PTPRS: variants seen among roughly 807,000 people sequenced by gnomAD.
The protein encoded by PTPRS is protein tyrosine phosphatase receptor type S, also known as receptor-type tyrosine-protein phosphatase S.
PTPRS carries 63 observed loss-of-function variants against 215.3 expected under a neutral mutation model. The observed-to-expected ratio is 0.29, with a 90% CI of 0.24 to 0.36. PTPRS has a LOEUF of 0.36. Among genes scored for constraint, PTPRS ranks in the 10% least tolerant of loss-of-function variants. PTPRS has a pLI of 1.00. For missense variants in PTPRS, 2,258 were observed against 2,825.8 expected (o/e 0.80, Z 4.56); for synonymous variants, 1,404 against 1,191.4 (o/e 1.18, Z -3.68).
chr19:5,327,625 A>G (rs1051129060), intron 1 of PTPRS, among the ~76,000 whole-genome samples: 9 of 152,018 alleles, frequency 5.9e-5, no homozygotes, highest in African/African-American at 2.2e-4. Context: ...GTTTTTAGAG[A>G]CAGGGTCTCG....
At chr19:5,228,345 G>GAAAAAAAAAAAAAAAAAAAAAAAAAAA (rs1491502602) in intron 16 of PTPRS, among the ~76,000 whole-genome samples, 2 of 33,244 alleles carry the variant, frequency 6.0e-5, no homozygotes, top group African/African-American at 1.9e-4. Context: ...ACTCCGTCTG[G>GAAAAAAAAAAAAAAAAAAAAAAAAAAA]AGAAAAAAAA....
chr19:5,325,274 G>A (rs2147243286), intron 1 of PTPRS, among the ~76,000 whole-genome samples: 1 of 152,368 alleles, frequency 6.6e-6, no homozygotes, highest in East Asian at 1.9e-4. Context: ...CCATGGGTCA[G>A]CATTGAATCA....
In PTPRS at chr19:5,246,195, AAAACCATTT is replaced by A. The variant is rs1445797816; in HGVS notation, c.719-159_719-151del. 8.7e-6 allele frequency: 4 copies of A among 462,146 alleles called. No homozygotes were observed. In the East Asian group the frequency reaches 1.4e-4, roughly 16 times the overall value. The allele number at this position is 462,146 out of a possible 1,614,324, so 28.6% of individuals were successfully genotyped here. A position where few individuals can be genotyped will look rare whatever the true frequency, so the allele number is the denominator to read the frequency against. On this transcript the variant is annotated intron_variant, in intron 9 of 37. Coordinates refer to ENST00000262963, the MANE Select transcript of PTPRS (RefSeq NM_002850.4). ...AGAAAGAAAAAAAGAAAAAAAAAGG[AAAACCATTT>A]AAATATAAACAGGGCTGGTTCTTTT...
chr19:5,246,173 A>C, intron 9 of PTPRS, 128 bp from the exon 10 acceptor site: 1 of 492,450 alleles, frequency 2.0e-6, no homozygotes, highest in Non-Finnish European at 3.2e-6. Flanking sequence ...GAAGGAAAGA[A>C]AGAAAAAAAG....
rs1487366004 is a variant in PTPRS at position 5,237,939 on chromosome 19, C to T, written c.1849+980G>A. The stretch of plus-strand genomic sequence containing the variant: ...CCGGCTGGAGTTGATGTTAACCCTT[C>T]GACTGATCCGAGATGCCCCTGTGTA... On this transcript the variant is annotated intron_variant, in intron 13 of 37. Coordinates refer to ENST00000262963, the MANE Select transcript of PTPRS (RefSeq NM_002850.4). The surrounding 1 kb of genome is among the most constrained non-coding windows in gnomAD (Gnocchi z 4.2). 1.3e-5 allele frequency among the ~76,000 whole-genome samples: 2 copies of T among 151,726 alleles called. No individual in the cohort carries two copies. The highest frequency in any genetic ancestry group is 4.8e-5 in the African/African-American group (2 of 41,406).
intron 1 of PTPRS, among the ~76,000 whole-genome samples, chr19:5,307,221 T>A (rs185265536): frequency 6.6e-6 from 1 of 152,300 alleles, no homozygotes; most frequent in Non-Finnish European, 1.5e-5. Context: ...GGCAGGAGAA[T>A]TGCTTGAACT....
chr19:5,220,794 A>G (rs1451880442), intron 20 of PTPRS, among the ~76,000 whole-genome samples: 1 of 152,168 alleles, frequency 6.6e-6, no homozygotes, highest in East Asian at 1.9e-4. Flanking sequence ...GTATCAGGAA[A>G]TGCTAGAAGA....
rs931939668 is a variant in PTPRS at position 5,340,669 on chromosome 19, G to C, written c.-100C>G. 1 of 149,068 alleles carries C rather than the reference G, an allele frequency of 6.7e-6. No homozygotes were observed. Among genetic ancestry groups the C allele is most frequent in the Non-Finnish European group, 1.5e-5 (1 of 67,492 alleles). 9.2% of individuals were successfully genotyped at this position (149,068 alleles called of 1,614,324 possible). A position where few individuals can be genotyped will look rare whatever the true frequency, so the allele number is the denominator to read the frequency against. On this transcript the variant is annotated 5_prime_UTR_variant, in exon 1 of 38. Coordinates refer to ENST00000262963, the MANE Select transcript of PTPRS (RefSeq NM_002850.4). ...ATTTTTTTTTTTGGCTTTACCTGGA[G>C]GCTGGCTGGGCTGGGCTCCCCCGGC...
At chr19:5,288,946 G>A (rs1338693267) in intron 1 of PTPRS, among the ~76,000 whole-genome samples, 1 of 152,208 alleles carries the variant, frequency 6.6e-6, no homozygotes, top group Non-Finnish European at 1.5e-5. Flanking sequence ...GGCAGGGCCT[G>A]GCCATGGACT....
At chr19:5,241,917 C>T (rs186116356) in intron 11 of PTPRS, among the ~76,000 whole-genome samples, 32 of 152,118 alleles carry the variant, frequency 2.1e-4, no homozygotes, top group Admixed American at 8.5e-4. Context: ...CTCACCACAA[C>T]CTCCGCTTCC....
At chr19:5,220,518 G>C (rs1387760031) in intron 20 of PTPRS, among the ~76,000 whole-genome samples, 165 bp from the exon 21 acceptor site, 1 of 152,234 alleles carries the variant, frequency 6.6e-6, no homozygotes, top group Non-Finnish European at 1.5e-5. Context: ...TGCTGACTCA[G>C]GCCTCCAGGC....
At position 5,231,385 on chromosome 19, in the gene PTPRS, T is replaced by C; in HGVS notation, c.2080A>G (p.Ile694Val). 1 of 1,612,978 alleles carries C rather than the reference T, an allele frequency of 6.2e-7. No individual in the cohort carries two copies. The highest frequency in any genetic ancestry group is 8.5e-7 in the Non-Finnish European group (1 of 1,179,886). The change falls in exon 14 of 38, where the codon ATC becomes GTC. Residue 694 changes from isoleucine (I) to valine (V), a missense_variant. Ile to Val is a conservative substitution (Grantham distance 29). Coordinates refer to ENST00000262963, the MANE Select transcript of PTPRS (RefSeq NM_002850.4). Reference sequence around the variant, plus strand: ...ACCTCTGTGTGAGCGACAGTCGTGATGCGGTACTGGGTCCACTTCTCCAAG... The same window carrying C: ...ACCTCTGTGTGAGCGACAGTCGTGACGCGGTACTGGGTCCACTTCTCCAAG... The part of the protein sequence containing the change: ...EALEKWTQYR[I>V]TTVAHTEVGP...
chr19:5,212,497 G>T lies in PTPRS; in HGVS notation c.4615-6C>A. 1 of 1,582,124 alleles carries T rather than the reference G, an allele frequency of 6.3e-7. No individual in the cohort carries two copies. The highest frequency in any genetic ancestry group is 8.6e-7 in the Non-Finnish European group (1 of 1,162,696). On this transcript the variant is annotated splice_region_variant and splice_polypyrimidine_tract_variant and intron_variant, in intron 30 of 37. Coordinates refer to ENST00000262963, the MANE Select transcript of PTPRS (RefSeq NM_002850.4). Reference sequence around the variant, plus strand: ...CGTTTCTCACTGGAGCCATTCTGGGGACCACAAGGATGTCACCTGTCACTC... The same window carrying T: ...CGTTTCTCACTGGAGCCATTCTGGGTACCACAAGGATGTCACCTGTCACTC...
intron 1 of PTPRS, among the ~76,000 whole-genome samples, chr19:5,302,064 G>A (rs1600075451): frequency 6.6e-6 from 1 of 150,832 alleles, no homozygotes; most frequent in South Asian, 2.1e-4. Flanking sequence ...TTACAGGTGT[G>A]AGCCACCACA....
At chr19:5,324,896 GC>G in intron 1 of PTPRS, among the ~76,000 whole-genome samples, 1 of 152,188 alleles carries the variant, frequency 6.6e-6, no homozygotes, top group Non-Finnish European at 1.5e-5. Context: ...GAGCACAGGG[GC>G]AAGAAGAGCC....
At chr19:5,275,073 C>CTT (rs5826878) in intron 2 of PTPRS, among the ~76,000 whole-genome samples, 1 of 144,652 alleles carries the variant, frequency 6.9e-6, no homozygotes, top group Non-Finnish European at 1.5e-5. Context: ...ATTTTCTTTT[C>CTT]TTTTTTTTTT....
chr19:5,214,241 T>G lies in PTPRS; in HGVS notation c.4614+120A>C, dbSNP rs1294039673. On this transcript the variant is annotated intron_variant, in intron 30 of 37. Coordinates refer to ENST00000262963, the MANE Select transcript of PTPRS (RefSeq NM_002850.4). ...TCCATGAGAATGTAGTCAGCCTGGG[T>G]AGACACGCTCCGCTTTCTCTCTGTC... is the stretch of plus-strand genomic sequence containing the variant. 6 of 1,398,628 alleles carry G rather than the reference T, an allele frequency of 4.3e-6. No homozygotes were observed. In the African/African-American group the frequency reaches 8.6e-5, roughly 20 times the overall value. 86.6% of individuals were successfully genotyped at this position (1,398,628 alleles called of 1,614,324 possible). A position where few individuals can be genotyped will look rare whatever the true frequency, so the allele number is the denominator to read the frequency against.
Position 5,222,842 on chromosome 19 carries a change from G to C in PTPRS, c.2950C>G (p.Pro984Ala). 6.3e-7 allele frequency: 1 copy of C among 1,593,896 alleles called. No individual in the cohort carries two copies. The highest frequency in any genetic ancestry group is 8.5e-7 in the Non-Finnish European group (1 of 1,176,456). ...TCCGCGCCCGGCTCAGCCGCTGCCG[G>C]CAGCTCAGTCTCTCGGGCAGGGCCC... ...ALGPARETEL[P>A]AAAEPGAENA... The change falls in exon 18 of 38, where the codon CCG becomes GCG. Residue 984 changes from proline to alanine, a missense_variant. Pro to Ala is a conservative substitution (Grantham distance 27). Transcript: ENST00000262963.
intron 1 of PTPRS, among the ~76,000 whole-genome samples, chr19:5,305,751 A>ATG (rs2049464199): frequency 1.8e-5 from 2 of 113,964 alleles, no homozygotes; most frequent in Non-Finnish European, 3.4e-5. Context: ...AAATAAATAT[A>ATG]TATATATATA....
Sources: allele counts gnomAD v4.1 joint callset (sites outside exome capture counted in the v4.1 genomes callset), GRCh38; gene constraint gnomAD v4.1.1; non-coding constraint Gnocchi (gnomAD v3.1); transcripts MANE v1.5; gene names NCBI Gene and HGNC (gene_info 2026-07-23, HGNC 2026-07-21).